VAC14: variants seen among roughly 807,000 people sequenced by gnomAD.
VAC14 encodes the protein VAC14 component of PIKFYVE complex, also known as protein VAC14 homolog.
VAC14 carries 47 observed loss-of-function variants against 85.3 expected under a neutral mutation model. The ratio of observed to expected loss-of-function variants is 0.55; its 90% confidence interval spans 0.44 to 0.70. VAC14 has a LOEUF of 0.70. Ranked by LOEUF, VAC14 falls within the 30% of genes least tolerant of loss-of-function variation. The probability of loss-of-function intolerance (pLI) is 0.00; values close to 1 mark genes in which losing one functional copy is unlikely to be tolerated. For synonymous variants in VAC14, 447 were observed against 430.5 expected, an observed-to-expected ratio of 1.04 and a Z score of -0.47; for missense variants, 861 against 1,004.3, an observed-to-expected ratio of 0.86 and a Z score of 1.93.
intron 13 of VAC14, among the ~76,000 whole-genome samples, chr16:70,739,793 T>A (rs2030084408): frequency 6.6e-6 from 1 of 152,232 alleles, no homozygotes; most frequent in South Asian, 2.1e-4. Context: ...AGAACTTGTT[T>A]CTGTCTGGTG....
chr16:70,690,878 C>A, intron 18 of VAC14: 1 of 985,524 alleles, frequency 1.0e-6, no homozygotes, highest in Non-Finnish European at 1.2e-6. Context: ...GCTGGGGGTC[C>A]AGGGCATTGA....
intron 10 of VAC14, 114 bp from the exon 11 acceptor site, chr16:70,763,139 G>A (rs996601987): frequency 7.0e-5 from 103 of 1,463,062 alleles, no homozygotes; most frequent in Admixed American, 3.6e-4. Flanking sequence ...GCTAACCACC[G>A]TCTAGGGGGA....
chr16:70,795,107 G>C (rs191859489), intron 1 of VAC14, among the ~76,000 whole-genome samples: 1 of 152,272 alleles, frequency 6.6e-6, no homozygotes, highest in Non-Finnish European at 1.5e-5. Flanking sequence ...GCACCATCTA[G>C]GTTTGTGTGA....
At chr16:70,736,664 C>G (rs1421051232) in intron 13 of VAC14, among the ~76,000 whole-genome samples, 1 of 152,158 alleles carries the variant, frequency 6.6e-6, no homozygotes, top group Non-Finnish European at 1.5e-5. Context: ...AGCTGAGGCC[C>G]TTAGTGGAAG....
chr16:70,772,022 T>C (rs985082867), intron 10 of VAC14, 87 bp downstream of exon 10: 1 of 1,270,940 alleles, frequency 7.9e-7, no homozygotes, highest in East Asian at 2.3e-5. Context: ...AGAATTTGCC[T>C]TGGGTCATTG....
At chr16:70,795,928 G>A (rs1207487345) in intron 1 of VAC14, among the ~76,000 whole-genome samples, 1 of 152,182 alleles carries the variant, frequency 6.6e-6, no homozygotes, top group Non-Finnish European at 1.5e-5. Flanking sequence ...ATGCCTGGCA[G>A]AGCGAGCACC....
intron 13 of VAC14, among the ~76,000 whole-genome samples, chr16:70,738,446 G>A (rs2029922469): frequency 6.6e-6 from 1 of 152,222 alleles, no homozygotes; most frequent in Admixed American, 6.5e-5. Context: ...ATGCAGCAGG[G>A]CCCAGTGGGG....
chr16:70,698,883 T>C lies in VAC14; in HGVS notation c.1662-72A>G, dbSNP rs564241685. ...GCTCTGTGTCTCAGCCTGGGAGGCC[T>C]CCTCTTGGTTTTGCAGCGTCCTGGG... On this transcript the variant is annotated intron_variant, in intron 14 of 18. Coordinates refer to ENST00000261776, the MANE Select transcript of VAC14 (RefSeq NM_018052.5). 104 of 1,451,806 alleles carry C rather than the reference T, an allele frequency of 7.2e-5. No homozygotes were observed. The African/African-American group carries it at 1.4e-3, about 19-fold the overall frequency. 89.9% of individuals were successfully genotyped at this position (1,451,806 alleles called of 1,614,324 possible). A position where few individuals can be genotyped will look rare whatever the true frequency, so the allele number is the denominator to read the frequency against.
Position 70,762,913 on chromosome 16 carries a change from G to A in VAC14, c.1273C>T (p.Leu425Phe), listed in dbSNP as rs751998182. The A allele has an allele frequency of 1.2e-6, 2 of 1,614,242 alleles. No individual in the cohort carries two copies. Among genetic ancestry groups the A allele is most frequent in the Non-Finnish European group, 1.7e-6 (2 of 1,180,048 alleles). The change falls in exon 11 of 19, where the codon CTC becomes TTC. Residue 425 changes from leucine (L) to phenylalanine (F), a missense_variant. Physicochemically the swap from Leu to Phe is conservative, Grantham distance 22. Transcript: ENST00000261776. This position sits in a 1 kb window ranked among gnomAD's most constrained non-coding sequence, Gnocchi z 4.1. ...GGAGTTTTGATGTAGAGGTGGTAGA[G>A]CCACTTGAGAACTGCAATCCTGGTC... ...MMTRIAVLKW[L>F]YHLYIKTPRK...
rs1164048800 is a variant in VAC14 at position 70,761,031 on chromosome 16, G to A, written c.1371+1509C>T. ...TGTGTGTGTGTGTGCATGGGGGGGC[G>A]GGGGGTAGGCAGGAGAGGCCAAGGG... On this transcript the variant is annotated intron_variant, in intron 12 of 18. Transcript: ENST00000261776. 9 of 343,628 alleles carry A rather than the reference G, an allele frequency of 2.6e-5. No individual in the cohort carries two copies. In the East Asian group the frequency reaches 2.7e-4, roughly 10 times the overall value. The allele number at this position is 343,628 out of a possible 1,614,324, so 21.3% of individuals were successfully genotyped here.
At chr16:70,789,501 T>C (rs765577813) in intron 1 of VAC14, among the ~76,000 whole-genome samples, 11 of 152,068 alleles carry the variant, frequency 7.2e-5, no homozygotes, top group East Asian at 1.9e-4. Flanking sequence ...GCTGCTCACA[T>C]CTGGGGCATT....
intron 13 of VAC14, among the ~76,000 whole-genome samples, chr16:70,732,564 T>C (rs1258781572): frequency 6.6e-6 from 1 of 152,058 alleles, no homozygotes; most frequent in Non-Finnish European, 1.5e-5. Flanking sequence ...CCTTCTAATA[T>C]ATGCCAACCT....
chr16:70,764,566 C>A (rs541935983), intron 10 of VAC14, among the ~76,000 whole-genome samples: 27 of 152,352 alleles, frequency 1.8e-4, no homozygotes, highest in Non-Finnish European at 2.6e-4. Context: ...TATAATTTTA[C>A]ATCTTCCAGT....
At chr16:70,753,757 G>T (rs568269716) in intron 12 of VAC14, among the ~76,000 whole-genome samples, 2 of 152,210 alleles carry the variant, frequency 1.3e-5, no homozygotes, top group Admixed American at 6.5e-5. Flanking sequence ...GGGAATTCTG[G>T]TGACAGTCCT....
intron 9 of VAC14, among the ~76,000 whole-genome samples, chr16:70,780,018 ATTTTTTT>A (rs368861697): frequency 9.8e-5 from 11 of 111,884 alleles, no homozygotes; most frequent in South Asian, 2.9e-4. Flanking sequence ...AATTTTTGTA[ATTTTTTT>A]TTTTTTTTTT....
rs2053627997 is a variant in VAC14 at position 70,692,950 on chromosome 16, T to C, written c.2057A>G (p.Asp686Gly). 1.2e-6 allele frequency: 2 copies of C among 1,611,082 alleles called. No homozygotes were observed. Among genetic ancestry groups the C allele is most frequent in the Non-Finnish European group, 1.7e-6 (2 of 1,179,474 alleles). The change falls in exon 18 of 19, where the codon GAC becomes GGC. Residue 686 changes from aspartate to glycine, a missense_variant. Transcript: ENST00000261776. ...IFTYLRLQLL[D>G]VKNNPYLIKA... ...GATCAGGTAGGGGTTGTTCTTCACG[T>C]CCAGCAGCTGCAGGCGCAGATCTGG...
At position 70,762,532 on chromosome 16, in the gene VAC14, T is replaced by C. The variant is rs746552844; in HGVS notation, c.1371+8A>G. 6.2e-7 allele frequency: 1 copy of C among 1,613,888 alleles called. No homozygotes were observed. The highest frequency in any genetic ancestry group is 8.5e-7 in the Non-Finnish European group (1 of 1,179,916). ...GTTCCATAAGTACGGGTGGCGTTGG[T>C]GACCTACCTCATCCGATTCATCCGA... On this transcript the variant is annotated splice_region_variant and intron_variant, in intron 12 of 18. Coordinates refer to ENST00000261776, the MANE Select transcript of VAC14 (RefSeq NM_018052.5). The surrounding 1 kb of genome is among the most constrained non-coding windows in gnomAD (Gnocchi z 4.1).
intron 13 of VAC14, among the ~76,000 whole-genome samples, chr16:70,737,690 G>A: frequency 6.6e-6 from 1 of 152,242 alleles, no homozygotes; most frequent in East Asian, 1.9e-4. Flanking sequence ...GTTACTAAGT[G>A]AAACCTGATG....
At chr16:70,785,503 G>C (rs1184266241) in intron 3 of VAC14, among the ~76,000 whole-genome samples, 199 bp downstream of exon 3, 2 of 152,182 alleles carry the variant, frequency 1.3e-5, no homozygotes, top group African/African-American at 2.4e-5. Context: ...CAATCAAAAT[G>C]AATTAAAAGA....
Sources: allele counts gnomAD v4.1 joint callset (sites outside exome capture counted in the v4.1 genomes callset), GRCh38; gene constraint gnomAD v4.1.1; non-coding constraint Gnocchi (gnomAD v3.1); transcripts MANE v1.5; gene names NCBI Gene and HGNC (gene_info 2026-07-23, HGNC 2026-07-21).